The following CRACR2A variants were observed in gnomAD, a reference collection of about 807,000 sequenced individuals.
The protein encoded by CRACR2A is calcium release activated channel regulator 2A.
CRACR2A carries 79 observed loss-of-function variants against 90.5 expected under a neutral mutation model. That is an observed-to-expected ratio of 0.87 (90% confidence interval 0.73 to 1.05). The LOEUF (loss-of-function observed/expected upper bound fraction) is 1.05, where lower values mean the gene tolerates loss of function less well. Ranked by LOEUF, CRACR2A falls within the 50% of genes least tolerant of loss-of-function variation. The pLI, the probability that CRACR2A is intolerant of heterozygous loss-of-function variation, is 0.00. For missense variants in CRACR2A, 823 were observed against 897.2 expected (o/e 0.92, Z 1.06); for synonymous variants, 338 against 356.7 (o/e 0.95, Z 0.59).
chr12:3,672,222 C>T (rs909061470), intron 7 of CRACR2A, among the ~76,000 whole-genome samples: 10 of 152,208 alleles, frequency 6.6e-5, no homozygotes, highest in African/African-American at 1.7e-4. Context: ...AGACACAAGA[C>T]GAAAAGGAGC....
At chr12:3,749,982 G>A (rs906010309) in intron 1 of CRACR2A, among the ~76,000 whole-genome samples, 2 of 150,646 alleles carry the variant, frequency 1.3e-5, no homozygotes, top group African/African-American at 4.9e-5. Flanking sequence ...TGTCACTCAG[G>A]CTGGAGTGCA....
chr12:3,630,423 G>T (rs548287491), intron 15 of CRACR2A, among the ~76,000 whole-genome samples: 4 of 152,298 alleles, frequency 2.6e-5, no homozygotes, highest in Middle Eastern at 3.4e-3. Context: ...ACCCTAGGGG[G>T]CTGCTGCAGG....
chr12:3,654,192 T>C lies in CRACR2A; in HGVS notation c.1046+20A>G. ...GTGGTGCGGGAAGACAGCAGAGGAGTGGACAAAGGCTGGACTCACATCTCC... is the reference window on the plus strand; with the variant it reads ...GTGGTGCGGGAAGACAGCAGAGGAGCGGACAAAGGCTGGACTCACATCTCC... On this transcript the variant is annotated intron_variant, in intron 10 of 19. Coordinates refer to ENST00000440314, the MANE Select transcript of CRACR2A (RefSeq NM_001144958.2). The C allele has an allele frequency of 6.2e-7, 1 of 1,603,692 alleles. No homozygotes were observed.
chr12:3,655,414 G>A (rs972665313), intron 9 of CRACR2A, among the ~76,000 whole-genome samples: 2 of 152,222 alleles, frequency 1.3e-5, no homozygotes, highest in Non-Finnish European at 2.9e-5. Context: ...GGTAGCAGCA[G>A]CAGTGGAATA....
chr12:3,718,469 G>C (rs1860622393), intron 2 of CRACR2A, among the ~76,000 whole-genome samples: 1 of 152,168 alleles, frequency 6.6e-6, no homozygotes. Flanking sequence ...CCATAGACCT[G>C]TACTGTCCAA....
Position 3,711,659 on chromosome 12 carries a change from C to T in CRACR2A, c.-37+1578G>A, listed in dbSNP as rs1946007930. Among the ~76,000 whole-genome samples, 1 of 152,102 alleles carries T rather than the reference C, an allele frequency of 6.6e-6. No homozygotes were observed. The highest frequency in any genetic ancestry group is 6.5e-5 in the Admixed American group (1 of 15,270). ...GCTCTTCTCTTCTTCTGAGCCCTCACCAGAACCACCTTTAAAAGTCAGGTC... is the reference window on the plus strand; with the variant it reads ...GCTCTTCTCTTCTTCTGAGCCCTCATCAGAACCACCTTTAAAAGTCAGGTC... On this transcript the variant is annotated intron_variant, in intron 3 of 19. Coordinates refer to ENST00000440314, the MANE Select transcript of CRACR2A (RefSeq NM_001144958.2). The surrounding 1 kb of genome is among the most constrained non-coding windows in gnomAD (Gnocchi z 4.3).
rs1867699511 is a variant in CRACR2A, at chr12:3,617,044, A to G, written c.2035-14T>C. 6.5e-7 allele frequency: 1 copy of G among 1,546,522 alleles called. No individual in the cohort carries two copies. The highest frequency in any genetic ancestry group is 2.0e-5 in the Admixed American group (1 of 50,976). On this transcript the variant is annotated splice_polypyrimidine_tract_variant and intron_variant, in intron 18 of 19. Coordinates refer to ENST00000440314, the MANE Select transcript of CRACR2A (RefSeq NM_001144958.2). The stretch of plus-strand genomic sequence containing the variant: ...CAGATTGTTCTCCTAGAATCATAAA[A>G]CAGAGCGAATACAAGAGTATTGGAG...
At chr12:3,634,144 G>T (rs1262048756) in intron 14 of CRACR2A, among the ~76,000 whole-genome samples, 1 of 152,160 alleles carries the variant, frequency 6.6e-6, no homozygotes, top group Non-Finnish European at 1.5e-5. Context: ...CTTTCTGTGG[G>T]GAAGGACAAG....
At chr12:3,708,581 C>T (rs1591703419) in intron 3 of CRACR2A, among the ~76,000 whole-genome samples, 3 of 152,254 alleles carry the variant, frequency 2.0e-5, no homozygotes, top group South Asian at 2.1e-4. Flanking sequence ...CCCGCCACCA[C>T]GCCCGGCTAA....
intron 11 of CRACR2A, chr12:3,648,129 A>T (rs548778908): frequency 9.8e-7 from 1 of 1,023,534 alleles, no homozygotes; most frequent in South Asian, 4.5e-5. Flanking sequence ...CTTTCCTCTA[A>T]TATCAACTTC....
intron 11 of CRACR2A, among the ~76,000 whole-genome samples, 169 bp from the exon 12 acceptor site, chr12:3,644,809 T>G (rs7975304): frequency 0.87 from 132,771 of 152,144 alleles, 58,152 homozygotes; most frequent in East Asian, 1. Flanking sequence ...AGGATAGTTT[T>G]TGTGTACAGA....
chr12:3,689,413 A>G (rs1035779159), intron 4 of CRACR2A, among the ~76,000 whole-genome samples: 21 of 152,154 alleles, frequency 1.4e-4, no homozygotes, highest in African/African-American at 5.1e-4. Context: ...GTGCTGTTGA[A>G]TCTTATCAAA....
chr12:3,737,568 T>A (rs562285124), intron 1 of CRACR2A, among the ~76,000 whole-genome samples: 1 of 152,262 alleles, frequency 6.6e-6, no homozygotes, highest in East Asian at 1.9e-4. Flanking sequence ...GGGGAATCAC[T>A]ACAGCCCAGG....
chr12:3,663,549 G>A (rs1367684134), intron 7 of CRACR2A, among the ~76,000 whole-genome samples: 1 of 152,178 alleles, frequency 6.6e-6, no homozygotes, highest in Admixed American at 6.5e-5. Flanking sequence ...TTGGGTTCCG[G>A]TCAAGCCTCT....
intron 17 of CRACR2A, among the ~76,000 whole-genome samples, chr12:3,625,196 G>A (rs990365246): frequency 7.2e-5 from 11 of 152,000 alleles, no homozygotes; most frequent in Admixed American, 1.3e-4. Context: ...CAGGCTTCCC[G>A]AGCCCACAGA....
intron 1 of CRACR2A, among the ~76,000 whole-genome samples, chr12:3,739,000 C>A (rs1946486297): frequency 6.6e-6 from 1 of 151,554 alleles, no homozygotes; most frequent in Admixed American, 6.6e-5. Flanking sequence ...AAAAAGATAT[C>A]CTTTAAGAAC....
chr12:3,741,277 C>A (rs1333934868), intron 1 of CRACR2A, among the ~76,000 whole-genome samples: 2 of 152,186 alleles, frequency 1.3e-5, no homozygotes, highest in East Asian at 3.9e-4. Flanking sequence ...CTTGATGTGA[C>A]AGGCCGGAGA....
chr12:3,706,886 G>A (rs1239871489), intron 3 of CRACR2A, among the ~76,000 whole-genome samples: 1 of 152,194 alleles, frequency 6.6e-6, no homozygotes, highest in Non-Finnish European at 1.5e-5. Flanking sequence ...TTACAGGCAT[G>A]AGCCACCACA....
intron 2 of CRACR2A, among the ~76,000 whole-genome samples, chr12:3,724,976 G>A (rs567147272): frequency 6.6e-6 from 1 of 152,240 alleles, no homozygotes; most frequent in East Asian, 1.9e-4. Context: ...AGAATGGAGA[G>A]GAATTCATCT....
Sources: allele counts gnomAD v4.1 joint callset (sites outside exome capture counted in the v4.1 genomes callset), GRCh38; gene constraint gnomAD v4.1.1; non-coding constraint Gnocchi (gnomAD v3.1); transcripts MANE v1.5; gene names NCBI Gene and HGNC (gene_info 2026-07-23, HGNC 2026-07-21).